MX2: variants seen among roughly 807,000 people sequenced by gnomAD.
The protein encoded by MX2 is MX dynamin like GTPase 2.
Under a neutral mutation model 74.0 loss-of-function variants are expected in MX2, and 51 were observed. The observed-to-expected ratio is 0.69, with a 90% CI of 0.55 to 0.87. The LOEUF (loss-of-function observed/expected upper bound fraction) is 0.87. Among genes scored for constraint, MX2 ranks in the 40% least tolerant of loss-of-function variants. The pLI, the probability that MX2 is intolerant of heterozygous loss-of-function variation, is 0.00. For missense variants in MX2, 832 were observed against 908.7 expected, an observed-to-expected ratio of 0.92 and a Z score of 1.09; for synonymous variants, 369 against 339.3, an observed-to-expected ratio of 1.09 and a Z score of -0.96.
intron 12 of MX2, among the ~76,000 whole-genome samples, chr21:41,406,452 G>T (rs1470267579): frequency 6.6e-6 from 1 of 152,220 alleles, no homozygotes; most frequent in Non-Finnish European, 1.5e-5. Flanking sequence ...GACTAAGCCT[G>T]TTCCTGTTGA....
intron 12 of MX2, among the ~76,000 whole-genome samples, chr21:41,405,097 T>G (rs890353890): frequency 6.6e-6 from 1 of 151,692 alleles, no homozygotes; most frequent in African/African-American, 2.4e-5. Context: ...TCCCTTAAGG[T>G]CAGGAGTTCG....
At position 41,402,181 on chromosome 21, in the gene MX2, A is replaced by T; in HGVS notation, c.1573+53A>T. ...ACCATCACTCTCATACCTTCCATAG[A>T]CCCCAGTGCCTTGGAGGGAGAGATT... is the stretch of plus-strand genomic sequence containing the variant. On this transcript the variant is annotated intron_variant, in intron 11 of 13. Transcript: ENST00000330714. The surrounding 1 kb of genome is among the most constrained non-coding windows in gnomAD (Gnocchi z 4.5). 6.4e-7 allele frequency: 1 copy of T among 1,554,568 alleles called. No homozygotes were observed. Among genetic ancestry groups the T allele is most frequent in the Non-Finnish European group, 8.7e-7 (1 of 1,149,532 alleles).
intron 3 of MX2, among the ~76,000 whole-genome samples, chr21:41,378,617 A>T (rs2089446441): frequency 6.6e-6 from 1 of 152,238 alleles, no homozygotes; most frequent in South Asian, 2.1e-4. Context: ...AAACTTTTAA[A>T]AGTCTGTTTA....
In MX2 at chr21:41,408,194, A is replaced by G. The variant is rs2089912081; in HGVS notation, c.2109A>G (p.Arg703=). 6.2e-7 allele frequency: 1 copy of G among 1,614,100 alleles called. No individual in the cohort carries two copies. Among genetic ancestry groups the G allele is most frequent in the South Asian group, 1.1e-5 (1 of 91,086 alleles). ...GAATTTACCGGCTCACTCAGGCGCG[A>G]CACGCACTCTGTCAATTCTCCAGCA... is the stretch of plus-strand genomic sequence containing the variant. ...KERIYRLTQA[R]HALCQFSSKE... The change falls in exon 14 of 14, where the codon CGA becomes CGG. Residue 703 remains arginine, a synonymous_variant. Transcript: ENST00000330714.
At position 41,402,381 on chromosome 21, in the gene MX2, T is replaced by C. The variant is rs1256571314; in HGVS notation, c.1573+253T>C. On this transcript the variant is annotated intron_variant, in intron 11 of 13. Coordinates refer to ENST00000330714, the MANE Select transcript of MX2 (RefSeq NM_002463.2). The surrounding 1 kb of genome is among the most constrained non-coding windows in gnomAD (Gnocchi z 4.5). Reference sequence around the variant, plus strand: ...GTTTCCAGGAGATGGGGAAGCACACTGAGTGCCATAGGCGTTCCATCGCTG... The same window carrying C: ...GTTTCCAGGAGATGGGGAAGCACACCGAGTGCCATAGGCGTTCCATCGCTG... Among the ~76,000 whole-genome samples the C allele has an allele frequency of 6.6e-6, 1 of 152,246 alleles. No individual in the cohort carries two copies. Among genetic ancestry groups the C allele is most frequent in the Non-Finnish European group, 1.5e-5 (1 of 68,042 alleles).
chr21:41,394,458 T>C (rs2089705421), intron 6 of MX2, among the ~76,000 whole-genome samples: 1 of 152,176 alleles, frequency 6.6e-6, no homozygotes, highest in Non-Finnish European at 1.5e-5. Flanking sequence ...AACTTGAGAC[T>C]ACATCACGCA....
In MX2 at chr21:41,363,520, A is replaced by G. The variant is rs1471781916; in HGVS notation, c.-72+1465A>G. ...ATGTATCTCAAGGACTTAGTGCTCA[A>G]TATATATCTTTGAGTGGGTGAAAAA... On this transcript the variant is annotated intron_variant, in intron 1 of 13. Coordinates refer to ENST00000330714, the MANE Select transcript of MX2 (RefSeq NM_002463.2). The surrounding 1 kb of genome is among the most constrained non-coding windows in gnomAD (Gnocchi z 4.2). 6.5e-6 allele frequency: 1 copy of G among 152,720 alleles called. No individual in the cohort carries two copies. The highest frequency in any genetic ancestry group is 2.4e-5 in the African/African-American group (1 of 41,444). The allele number at this position is 152,720 out of a possible 1,614,324, so 9.5% of individuals were successfully genotyped here. A position where few individuals can be genotyped will look rare whatever the true frequency, so the allele number is the denominator to read the frequency against.
intron 5 of MX2, 107 bp downstream of exon 5, chr21:41,382,671 GAT>G (rs759829547): frequency 6.9e-7 from 1 of 1,450,744 alleles, no homozygotes; most frequent in Non-Finnish European, 9.4e-7. Context: ...GAGGGATGAG[GAT>G]GGAGTCTCAG....
At chr21:41,374,706 C>G (rs915788861) in intron 1 of MX2, among the ~76,000 whole-genome samples, 1 of 151,884 alleles carries the variant, frequency 6.6e-6, no homozygotes. Context: ...GCAGGTTGCT[C>G]GAGGGAGAAA....
At position 41,368,218 on chromosome 21, in the gene MX2, C is replaced by A. The variant is rs1335172549; in HGVS notation, c.-72+6163C>A. Among the ~76,000 whole-genome samples, 1 of 152,224 alleles carries A rather than the reference C, an allele frequency of 6.6e-6. No homozygotes were observed. The highest frequency in any genetic ancestry group is 6.5e-5 in the Admixed American group (1 of 15,286). ...TCCTGCCTCTGTGCATAGCCCAAGT[C>A]CCACCTGTCCATGTGTCACCCGGCT... is the stretch of plus-strand genomic sequence containing the variant. On this transcript the variant is annotated intron_variant, in intron 1 of 13. Transcript: ENST00000330714. The surrounding 1 kb of genome is among the most constrained non-coding windows in gnomAD (Gnocchi z 4.6).
rs780412314 is a variant in MX2 at position 41,388,374 on chromosome 21, G to A, written c.733-2191G>A. ...GGCTCACTTTTGCCTGGACTCTTGC[G>A]TGTGCATGCACGCTTCCCACTGCCC... On this transcript the variant is annotated intron_variant, in intron 5 of 13. Transcript: ENST00000330714. The surrounding 1 kb of genome is among the most constrained non-coding windows in gnomAD (Gnocchi z 4.0). Among the ~76,000 whole-genome samples the A allele has an allele frequency of 2.0e-5, 3 of 152,160 alleles. No individual in the cohort carries two copies. The highest frequency in any genetic ancestry group is 2.1e-4 in the South Asian group (1 of 4,828).
chr21:41,398,567 G>A (rs909992959), intron 8 of MX2, among the ~76,000 whole-genome samples: 2 of 152,174 alleles, frequency 1.3e-5, no homozygotes, highest in African/African-American at 4.8e-5. Context: ...CCAGATCCTA[G>A]GACTTGGCCC....
At chr21:41,397,735 C>G (rs1480920199) in intron 8 of MX2, 44 bp downstream of exon 8, 2 of 1,539,768 alleles carry the variant, frequency 1.3e-6, no homozygotes, top group East Asian at 2.3e-5. Context: ...TACAGCATGC[C>G]CAAGTCACTC....
Position 41,399,254 on chromosome 21 carries a change from G to A in MX2, c.1331G>A (p.Arg444Lys), listed in dbSNP as rs2089778566. The A allele has an allele frequency of 5.6e-6, 9 of 1,613,958 alleles. No homozygotes were observed. The Admixed American group carries it at 1.2e-4, about 21-fold the overall frequency. The change falls in exon 10 of 14, where the codon AGG (arginine) becomes AAG (lysine). Residue 444 changes from arginine (R) to lysine (K), a missense_variant. Physicochemically the swap from Arg to Lys is conservative, Grantham distance 26. Transcript: ENST00000330714. ...TTAGTAGAAGGAGAAGAAGTTGTAA[G>A]GGAGAATGAGACCCGTTTATACAAC... is the stretch of plus-strand genomic sequence containing the variant. Reference protein sequence around the residue: ...EKLVEGEEVVRENETRLYNKI... With the variant: ...EKLVEGEEVVKENETRLYNKI...
At chr21:41,404,057 A>T (rs897615173) in intron 12 of MX2, 2 of 190,660 alleles carry the variant, frequency 1.0e-5, no homozygotes, top group Non-Finnish European at 1.1e-5. Flanking sequence ...AGTCACCAAG[A>T]TGTCCATTGT....
In MX2 at chr21:41,366,203, T is replaced by C. The variant is rs2089264384; in HGVS notation, c.-72+4148T>C. 1 of 152,250 alleles carries C rather than the reference T, an allele frequency of 6.6e-6. No individual in the cohort carries two copies. Among genetic ancestry groups the C allele is most frequent in the Admixed American group, 6.5e-5 (1 of 15,286 alleles). The allele number at this position is 152,250 out of a possible 1,614,324, so 9.4% of individuals were successfully genotyped here. ...GTGTATCACTGGGAAATCTTAAAGA[T>C]CCCACAGTGGCCTGTGAGTTTGCTG... On this transcript the variant is annotated intron_variant, in intron 1 of 13. Coordinates refer to ENST00000330714, the MANE Select transcript of MX2 (RefSeq NM_002463.2). The surrounding 1 kb of genome is among the most constrained non-coding windows in gnomAD (Gnocchi z 4.5).
chr21:41,395,682 A>G lies in MX2; in HGVS notation c.967A>G (p.Met323Val), dbSNP rs371266032. Residue 323 changes from methionine (M) to valine (V), a missense_variant, in exon 7 of 14, where the codon ATG (methionine) becomes GTG (valine). Physicochemically the swap from Met to Val is conservative, Grantham distance 21. Transcript: ENST00000330714. ...NLTYPLKKGY[M>V]IVKCRGQQEI... ...CACGTACCCCCTCAAGAAGGGCTAC[A>G]TGATTGTGAAGTGCCGGGGCCAGCA... 7.4e-6 allele frequency: 12 copies of G among 1,614,108 alleles called. No individual in the cohort carries two copies. The highest frequency in any genetic ancestry group is 4.0e-5 in the African/African-American group (3 of 74,936).
intron 8 of MX2, among the ~76,000 whole-genome samples, chr21:41,398,021 T>A (rs28400412): frequency 6.6e-6 from 1 of 152,040 alleles, no homozygotes; most frequent in Non-Finnish European, 1.5e-5. Flanking sequence ...GTATAAAAAA[T>A]TTTTCTTGCC....
intron 1 of MX2, chr21:41,367,454 T>A (rs1034757804): frequency 6.6e-6 from 1 of 152,088 alleles, no homozygotes; most frequent in African/African-American, 2.4e-5. Flanking sequence ...AAGATGGTAA[T>A]GTTATAGGAA....
Sources: gnomAD v4.1 joint callset for allele counts (sites outside exome capture counted in the v4.1 genomes callset) on GRCh38, gnomAD v4.1.1 for gene constraint, Gnocchi (gnomAD v3.1) non-coding constraint, MANE v1.5 for transcripts, NCBI Gene and HGNC (gene_info 2026-07-23, HGNC 2026-07-21) for gene names.